ZNF580: variants seen among roughly 807,000 people sequenced by gnomAD.
The protein encoded by ZNF580 is zinc finger protein 580, also known as LDL-induced EC protein.
Under a neutral mutation model 1.3 loss-of-function variants are expected in ZNF580, and 1 was observed. The observed-to-expected ratio is 0.77, with a 90% CI of 0.27 to 3.65. The LOEUF is 3.65. Ranked by LOEUF, ZNF580 falls within the 30% of genes most tolerant of loss-of-function variation. ZNF580 has a pLI of 0.19. For missense variants in ZNF580, 268 were observed against 272.3 expected (o/e 0.98, Z 0.11); for synonymous variants, 135 against 128.8 (o/e 1.05, Z -0.32).
Position 55,642,839 on chromosome 19 carries a change from C to T in ZNF580, c.331C>T (p.Arg111Cys), listed in dbSNP as rs1161830432. The T allele has an allele frequency of 3.2e-6, 5 of 1,574,508 alleles. No individual in the cohort carries two copies. The Admixed American group carries it at 8.7e-5, about 27-fold the overall frequency. ...CAGCCCTCTGCGGCTGCAGAGCCAC[C>T]GCGTGTCGCACTCGGACCTCAAGCC... The part of the protein sequence containing the change: ...FASPLRLQSH[R>C]VSHSDLKPFT... Residue 111 changes from arginine to cysteine, a missense_variant, in exon 2 of 2, where the codon CGC becomes TGC. This residue lies in a region of ZNF580 where 225 missense variants were observed against 201.7 expected (regional missense o/e 1.12). Coordinates refer to ENST00000325333, the MANE Select transcript of ZNF580 (RefSeq NM_207115.2).
chr19:55,641,204 G>A (rs989650359), intron 1 of ZNF580, 21 bp downstream of exon 1: 1 of 984,614 alleles, frequency 1.0e-6, no homozygotes, highest in Non-Finnish European at 1.2e-6. Context: ...CGGGATGGAG[G>A]GAGGAGCCTG....
Position 55,642,519 on chromosome 19 carries a change from T to C in ZNF580, c.11T>C (p.Leu4Pro), listed in dbSNP as rs1183729812. Residue 4 changes from leucine (L) to proline (P), a missense_variant, in exon 2 of 2, where the codon CTG (leucine) becomes CCG (proline). Coordinates refer to ENST00000325333, the MANE Select transcript of ZNF580 (RefSeq NM_207115.2). MLL[L>P]PPRPPHPRSS... is the part of the protein sequence containing the mutation. ...CAGCTGCCGCTCCAGATGCTGCTGC[T>C]GCCGCCGCGGCCACCCCACCCTCGG... 2.1e-6 allele frequency: 3 copies of C among 1,440,324 alleles called. No homozygotes were observed. The highest frequency in any genetic ancestry group is 1.5e-5 in the African/African-American group (1 of 67,158). The allele number at this position is 1,440,324 out of a possible 1,614,324, so 89.2% of individuals were successfully genotyped here.
Position 55,643,039 on chromosome 19 carries a change from GGC to G in ZNF580, c.*13_*14del, listed in dbSNP as rs1346054283. On this transcript the variant is annotated 3_prime_UTR_variant, in exon 2 of 2. Transcript: ENST00000325333. Reference sequence around the variant, plus strand: ...TGCGCCTCCACTAAGCTCGAGACCCGGCCTGTGCTGCCCTGCCCGTCTCAGGG... The same window carrying G: ...TGCGCCTCCACTAAGCTCGAGACCCGCTGTGCTGCCCTGCCCGTCTCAGGG... 3.7e-6 allele frequency: 5 copies of G among 1,356,074 alleles called. No individual in the cohort carries two copies. The African/African-American group carries it at 7.7e-5, about 21-fold the overall frequency. The allele number at this position is 1,356,074 out of a possible 1,614,324, so 84.0% of individuals were successfully genotyped here.
At chr19:55,642,308 G>A in intron 1 of ZNF580, 189 bp from the exon 2 acceptor site, 2 of 1,257,024 alleles carry the variant, frequency 1.6e-6, no homozygotes, top group Admixed American at 8.4e-5. Context: ...TCAGTTGGAG[G>A]CCCTCTCCGA....
Position 55,642,930 on chromosome 19 carries a change from C to A in ZNF580, c.422C>A (p.Thr141Lys). Reference sequence around the variant, plus strand: ...AGCCACCTGTCGCGGCATCGCGCCACGCACCGCGCCCGCGCCGGGCCGCCG... The same window carrying A: ...AGCCACCTGTCGCGGCATCGCGCCAAGCACCGCGCCCGCGCCGGGCCGCCG... The part of the protein sequence containing the change: ...RSSHLSRHRA[T>K]HRARAGPPHT... Residue 141 changes from threonine (T) to lysine (K), a missense_variant, in exon 2 of 2, where the codon ACG becomes AAG. Coordinates refer to ENST00000325333, the MANE Select transcript of ZNF580 (RefSeq NM_207115.2). 1 of 1,471,514 alleles carries A rather than the reference C, an allele frequency of 6.8e-7. No individual in the cohort carries two copies. Among genetic ancestry groups the A allele is most frequent in the Non-Finnish European group, 9.0e-7 (1 of 1,115,716 alleles). The allele number at this position is 1,471,514 out of a possible 1,614,324, so 91.2% of individuals were successfully genotyped here. A position where few individuals can be genotyped will look rare whatever the true frequency, so the allele number is the denominator to read the frequency against.
rs1982439873 is a variant in ZNF580 at position 55,641,147 on chromosome 19, G to A, written c.-49G>A. The stretch of plus-strand genomic sequence containing the variant: ...GAAGCCCGGGGCCGCCCGGGACCTC[G>A]GCCCGTTCCTCCGGACCCGAGAGGC... On this transcript the variant is annotated 5_prime_UTR_variant, in exon 1 of 2. Coordinates refer to ENST00000325333, the MANE Select transcript of ZNF580 (RefSeq NM_207115.2). 3.0e-6 allele frequency: 3 copies of A among 985,324 alleles called. No individual in the cohort carries two copies. The highest frequency in any genetic ancestry group is 1.2e-4 in the Admixed American group (2 of 16,264). The allele number at this position is 985,324 out of a possible 1,614,324, so 61.0% of individuals were successfully genotyped here.
In ZNF580 at chr19:55,642,888, A is replaced by G. The variant is rs930241336; in HGVS notation, c.380A>G (p.Lys127Arg). The G allele has an allele frequency of 2.6e-6, 4 of 1,560,466 alleles. No homozygotes were observed. The highest frequency in any genetic ancestry group is 3.6e-5 in the Admixed American group (2 of 55,960). ...LKPFTCGACG[K>R]AFKRSSHLSR... ...CCCTTCACGTGCGGCGCCTGCGGCA[A>G]GGCCTTCAAGCGCTCCAGCCACCTG... Residue 127 changes from lysine to arginine, a missense_variant, in exon 2 of 2, where the codon AAG becomes AGG. Transcript: ENST00000325333.
chr19:55,642,227 C>G, intron 1 of ZNF580: 4 of 1,199,334 alleles, frequency 3.3e-6, no homozygotes, highest in Non-Finnish European at 4.1e-6. Flanking sequence ...GGACTACGTC[C>G]TCAGACCTGA....
In ZNF580 at chr19:55,642,646, AC is replaced by A; in HGVS notation, c.143del (p.Pro48ArgfsTer143). Reference protein sequence around the residue: ...STPSSAAGPRPPRLGRHLLID... With the variant: ...STPSSAAGPRXPRLGRHLLID... ...CTCCTTCCTCGGCGGCGGGGCCCCG[AC>A]CCCCGCGGCTGGGCCGCCACCTCCT... On this transcript the variant is annotated frameshift_variant, in exon 2 of 2. Coordinates refer to ENST00000325333, the MANE Select transcript of ZNF580 (RefSeq NM_207115.2). LOFTEE classifies it low-confidence loss of function (END_TRUNC). 7.0e-7 allele frequency: 1 copy of A among 1,422,048 alleles called. No individual in the cohort carries two copies. The highest frequency in any genetic ancestry group is 9.2e-7 in the Non-Finnish European group (1 of 1,086,280). The allele number at this position is 1,422,048 out of a possible 1,614,324, so 88.1% of individuals were successfully genotyped here. A position where few individuals can be genotyped will look rare whatever the true frequency, so the allele number is the denominator to read the frequency against.
At position 55,641,119 on chromosome 19, in the gene ZNF580, G is replaced by C. The variant is rs1982436334; in HGVS notation, c.-77G>C. ...TCGGTTCCGCCGCCGGCGCTCGCCA[G>C]GGGAAGCCCGGGGCCGCCCGGGACC... is the stretch of plus-strand genomic sequence containing the variant. On this transcript the variant is annotated 5_prime_UTR_variant, in exon 1 of 2. Transcript: ENST00000325333. 1 of 985,300 alleles carries C rather than the reference G, an allele frequency of 1.0e-6. No homozygotes were observed. The highest frequency in any genetic ancestry group is 1.2e-6 in the Non-Finnish European group (1 of 829,960). The allele number at this position is 985,300 out of a possible 1,614,324, so 61.0% of individuals were successfully genotyped here.
rs893266523 is a variant in ZNF580 at position 55,643,103 on chromosome 19, A to G, written c.*76A>G. 7 of 1,318,170 alleles carry G rather than the reference A, an allele frequency of 5.3e-6. No individual in the cohort carries two copies. In the African/African-American group the frequency reaches 1.1e-4, roughly 20 times the overall value. The allele number at this position is 1,318,170 out of a possible 1,614,324, so 81.7% of individuals were successfully genotyped here. A position where few individuals can be genotyped will look rare whatever the true frequency, so the allele number is the denominator to read the frequency against. On this transcript the variant is annotated 3_prime_UTR_variant, in exon 2 of 2. Coordinates refer to ENST00000325333, the MANE Select transcript of ZNF580 (RefSeq NM_207115.2). ...GACCCACACAGCGTCACTCACTCCCACACACACCCCCTGGCTCTGCTGAGG... is the reference window on the plus strand; with the variant it reads ...GACCCACACAGCGTCACTCACTCCCGCACACACCCCCTGGCTCTGCTGAGG...
At position 55,642,383 on chromosome 19, in the gene ZNF580, G is replaced by A. The variant is rs1982560444; in HGVS notation, c.-12-114G>A. On this transcript the variant is annotated intron_variant, in intron 1 of 1. Coordinates refer to ENST00000325333, the MANE Select transcript of ZNF580 (RefSeq NM_207115.2). ...CAGTTTTTATTTTGCTAGGGAGGTA[G>A]TCAGTGGCGCACAAAGGGTAACAAG... The A allele has an allele frequency of 1.8e-5, 24 of 1,302,872 alleles. 1 individual carries two copies. The South Asian group carries it at 5.3e-4, about 29-fold the overall frequency. 80.7% of individuals were successfully genotyped at this position (1,302,872 alleles called of 1,614,324 possible). A position where few individuals can be genotyped will look rare whatever the true frequency, so the allele number is the denominator to read the frequency against.
chr19:55,642,358 C>G, intron 1 of ZNF580, 139 bp from the exon 2 acceptor site: 1 of 1,276,258 alleles, frequency 7.8e-7, no homozygotes, highest in Non-Finnish European at 9.9e-7. Flanking sequence ...GCTGGAGTCA[C>G]AGTTTTTATT....
Position 55,642,301 on chromosome 19 carries a change from G to T in ZNF580, c.-12-196G>T, listed in dbSNP as rs1982552977. On this transcript the variant is annotated intron_variant, in intron 1 of 1. Coordinates refer to ENST00000325333, the MANE Select transcript of ZNF580 (RefSeq NM_207115.2). ...TGGTGGCGGGGTTTTGCAGAGCTCA[G>T]TTGGAGGCCCTCTCCGAGGCAGCTT... 3.2e-6 allele frequency: 4 copies of T among 1,257,222 alleles called. No individual in the cohort carries two copies. In the Admixed American group the frequency reaches 1.3e-4, roughly 40 times the overall value. 77.9% of individuals were successfully genotyped at this position (1,257,222 alleles called of 1,614,324 possible).
In ZNF580 at chr19:55,643,119, T is replaced by A; in HGVS notation, c.*92T>A. On this transcript the variant is annotated 3_prime_UTR_variant, in exon 2 of 2. Transcript: ENST00000325333. ...CTCACTCCCACACACACCCCCTGGC[T>A]CTGCTGAGGTTACTGCCTTACCCTG... 1 of 1,300,876 alleles carries A rather than the reference T, an allele frequency of 7.7e-7. No individual in the cohort carries two copies. The highest frequency in any genetic ancestry group is 9.8e-7 in the Non-Finnish European group (1 of 1,019,962). 80.6% of individuals were successfully genotyped at this position (1,300,876 alleles called of 1,614,324 possible).
chr19:55,642,729 G>A lies in ZNF580; in HGVS notation c.221G>A (p.Arg74Gln). Residue 74 changes from arginine (R) to glutamine (Q), a missense_variant, in exon 2 of 2, where the codon CGG becomes CAG. Arg to Gln is a conservative substitution (Grantham distance 43). Around this residue, in one of 2 missense-constraint regions of ZNF580, gnomAD observed 225 missense variants for 201.7 expected, o/e 1.12. Transcript: ENST00000325333. ...TYTVQLEEEP[R>Q]GPPQREAPPG... ...ACGGTGCAGCTGGAGGAGGAGCCCCGGGGCCCGCCCCAGCGCGAGGCGCCC... is the reference window on the plus strand; with the variant it reads ...ACGGTGCAGCTGGAGGAGGAGCCCCAGGGCCCGCCCCAGCGCGAGGCGCCC... 1 of 1,513,212 alleles carries A rather than the reference G, an allele frequency of 6.6e-7. No individual in the cohort carries two copies. The highest frequency in any genetic ancestry group is 2.6e-5 in the East Asian group (1 of 38,596). The allele number at this position is 1,513,212 out of a possible 1,614,324, so 93.7% of individuals were successfully genotyped here. A position where few individuals can be genotyped will look rare whatever the true frequency, so the allele number is the denominator to read the frequency against.
Position 55,643,090 on chromosome 19 carries a change from G to A in ZNF580, c.*63G>A, listed in dbSNP as rs759138575. 7.4e-5 allele frequency: 99 copies of A among 1,332,258 alleles called. No individual in the cohort carries two copies. The highest frequency in any genetic ancestry group is 1.7e-4 in the Admixed American group (4 of 24,098). The allele number at this position is 1,332,258 out of a possible 1,614,324, so 82.5% of individuals were successfully genotyped here. On this transcript the variant is annotated 3_prime_UTR_variant, in exon 2 of 2. Transcript: ENST00000325333. ...GGCCACCAAGTCTGACCCACACAGCGTCACTCACTCCCACACACACCCCCT... is the reference window on the plus strand; with the variant it reads ...GGCCACCAAGTCTGACCCACACAGCATCACTCACTCCCACACACACCCCCT...
In ZNF580 at chr19:55,643,169, A is replaced by C; in HGVS notation, c.*142A>C. Reference sequence around the variant, plus strand: ...GGGCCTCAGTTTCCCCACCTTCCAAAGGGAGGAGCATCATTCCTTCCTTAC... The same window carrying C: ...GGGCCTCAGTTTCCCCACCTTCCAACGGGAGGAGCATCATTCCTTCCTTAC... On this transcript the variant is annotated 3_prime_UTR_variant, in exon 2 of 2. Transcript: ENST00000325333. 1.6e-6 allele frequency: 2 copies of C among 1,236,668 alleles called. No individual in the cohort carries two copies. Among genetic ancestry groups the C allele is most frequent in the Non-Finnish European group, 2.1e-6 (2 of 970,136 alleles). 76.6% of individuals were successfully genotyped at this position (1,236,668 alleles called of 1,614,324 possible). A position where few individuals can be genotyped will look rare whatever the true frequency, so the allele number is the denominator to read the frequency against.
In ZNF580 at chr19:55,642,966, C is replaced by G; in HGVS notation, c.458C>G (p.Pro153Arg). ...CGCGCCGGGCCGCCGCACACCTGCC[C>G]GCTCTGCCCACGCCGCTTCCAGGAC... ...RARAGPPHTC[P>R]LCPRRFQDAA... Residue 153 changes from proline (P) to arginine (R), a missense_variant, in exon 2 of 2, where the codon CCG becomes CGG. Physicochemically the swap from Pro to Arg is moderately radical, Grantham distance 103 (BLOSUM62 -2). Around this residue, in one of 2 missense-constraint regions of ZNF580, gnomAD observed 43 missense variants for 70.5 expected, o/e 0.61. Coordinates refer to ENST00000325333, the MANE Select transcript of ZNF580 (RefSeq NM_207115.2). 1 of 1,403,792 alleles carries G rather than the reference C, an allele frequency of 7.1e-7. No homozygotes were observed. Among genetic ancestry groups the G allele is most frequent in the Non-Finnish European group, 9.2e-7 (1 of 1,082,668 alleles). 87.0% of individuals were successfully genotyped at this position (1,403,792 alleles called of 1,614,324 possible).
Sources: allele counts gnomAD v4.1 joint callset, GRCh38; gene constraint gnomAD v4.1.1; regional missense constraint gnomAD v4.1.1; transcripts MANE v1.5; gene names NCBI Gene and HGNC (gene_info 2026-07-23, HGNC 2026-07-21).